DLGAP2: variants seen among roughly 807,000 people sequenced by gnomAD.
DLGAP2 encodes the protein disks large-associated protein 2.
In DLGAP2, 26 loss-of-function variants were observed where a neutral mutation model predicts 100.3. The observed-to-expected ratio is 0.26, with a 90% CI of 0.19 to 0.36. The LOEUF (loss-of-function observed/expected upper bound fraction) is 0.36. DLGAP2 is among the 10% of genes least tolerant of loss of function. The pLI, the probability that DLGAP2 is intolerant of heterozygous loss-of-function variation, is 1.00. For synonymous variants in DLGAP2, 886 were observed against 630.1 expected, an observed-to-expected ratio of 1.41 and a Z score of -6.08; for missense variants, 1,858 against 1,453.2, an observed-to-expected ratio of 1.28 and a Z score of -4.53.
At chr8:1,361,866 C>T (rs553363764) in intron 3 of DLGAP2, among the ~76,000 whole-genome samples, 1 of 152,274 alleles carries the variant, frequency 6.6e-6, no homozygotes, top group East Asian at 1.9e-4. Flanking sequence ...GCCCGGCTCC[C>T]ACGGTTTCAT....
chr8:1,638,295 C>A (rs1275817475), intron 8 of DLGAP2, among the ~76,000 whole-genome samples: 1 of 152,138 alleles, frequency 6.6e-6, no homozygotes, highest in Admixed American at 6.5e-5. Flanking sequence ...GGGCCCAAAT[C>A]CAATCTGTCC....
chr8:851,422 G>T (rs1191162836), intron 1 of DLGAP2, among the ~76,000 whole-genome samples: 1 of 152,214 alleles, frequency 6.6e-6, no homozygotes, highest in African/African-American at 2.4e-5. Flanking sequence ...GCTCATCGCT[G>T]CTTTGGAATG....
chr8:1,099,433 C>A (rs1395458117), intron 2 of DLGAP2, among the ~76,000 whole-genome samples: 1 of 152,178 alleles, frequency 6.6e-6, no homozygotes, highest in Non-Finnish European at 1.5e-5. Flanking sequence ...GTCTGGGATG[C>A]GCCAGGGCCG....
chr8:1,198,936 C>T (rs561424065), intron 2 of DLGAP2, among the ~76,000 whole-genome samples: 6 of 152,336 alleles, frequency 3.9e-5, no homozygotes, highest in African/African-American at 9.6e-5. Flanking sequence ...GACCTGGATA[C>T]AGGCAGACTG....
At chr8:761,847 C>T (rs145859091) in intron 1 of DLGAP2, among the ~76,000 whole-genome samples, 3 of 152,314 alleles carry the variant, frequency 2.0e-5, no homozygotes, top group Non-Finnish European at 2.9e-5. Flanking sequence ...GCGTGCGACA[C>T]CCTGCGGAGG....
chr8:1,621,796 G>C (rs1482266874), intron 6 of DLGAP2: 1 of 152,166 alleles, frequency 6.6e-6, no homozygotes, highest in African/African-American at 2.4e-5. Flanking sequence ...TGCGGTCAAG[G>C]GTATGGCGTT....
At chr8:906,203 A>G (rs938423105) in intron 1 of DLGAP2, among the ~76,000 whole-genome samples, 7 of 152,234 alleles carry the variant, frequency 4.6e-5, no homozygotes, top group South Asian at 2.1e-4. Context: ...TGGTGTCTGC[A>G]GCTGACTAGG....
chr8:1,548,151 C>T (rs1045011623), intron 4 of DLGAP2, among the ~76,000 whole-genome samples: 3 of 152,100 alleles, frequency 2.0e-5, no homozygotes, highest in Admixed American at 2.0e-4. Flanking sequence ...CCACTCCTCA[C>T]ACTTTGCGAT....
At chr8:1,693,032 C>T (rs1365190511) in intron 13 of DLGAP2, among the ~76,000 whole-genome samples, 2 of 147,632 alleles carry the variant, frequency 1.4e-5, no homozygotes, top group Non-Finnish European at 3.0e-5. Context: ...TTTATATATA[C>T]ACCTATATAT....
chr8:1,376,930 C>T (rs965176068), intron 3 of DLGAP2, among the ~76,000 whole-genome samples: 15 of 152,322 alleles, frequency 9.8e-5, no homozygotes, highest in East Asian at 3.9e-4. Flanking sequence ...CTTCTGCAGA[C>T]GCAGTTCTGA....
At chr8:866,072 C>T (rs565274516) in intron 1 of DLGAP2, among the ~76,000 whole-genome samples, 75 of 152,242 alleles carry the variant, frequency 4.9e-4, no homozygotes, top group South Asian at 4.1e-4. Flanking sequence ...GATGGTGTTT[C>T]GGAGCCATGG....
chr8:1,134,491 A>C (rs1409520195), intron 2 of DLGAP2, among the ~76,000 whole-genome samples: 1 of 69,418 alleles, frequency 1.4e-5, no homozygotes, highest in East Asian at 3.2e-4. Context: ...CCTTGTAAGC[A>C]TGTGTTATTT....
intron 1 of DLGAP2, among the ~76,000 whole-genome samples, chr8:858,650 C>T (rs529971260): frequency 1.7e-4 from 24 of 140,432 alleles, no homozygotes; most frequent in African/African-American, 5.1e-4. Flanking sequence ...ATGCTGTCAC[C>T]GTGGGCACGT....
intron 14 of DLGAP2, among the ~76,000 whole-genome samples, chr8:1,698,741 T>G (rs1193866802): frequency 7.6e-6 from 1 of 131,800 alleles, no homozygotes; most frequent in Admixed American, 7.7e-5. Flanking sequence ...ATAAGCCATG[T>G]GTGGGACTAG....
rs990779342 is a variant in DLGAP2, at chr8:1,599,116, C to T, written c.1443-27624C>T. Among the ~76,000 whole-genome samples the T allele has an allele frequency of 1.2e-4, 18 of 152,248 alleles. No individual in the cohort carries two copies. In the South Asian group the frequency reaches 1.5e-3, roughly 12 times the overall value. ...AACTTATTTATTTTTCCCTTAATTT[C>T]GTTATTTACCCAGTAGTCATTCAGG... On this transcript the variant is annotated intron_variant, in intron 6 of 14. Coordinates refer to ENST00000637795, the MANE Select transcript of DLGAP2 (RefSeq NM_001346810.2).
chr8:1,419,628 A>C (rs915821005), intron 3 of DLGAP2, among the ~76,000 whole-genome samples: 1 of 152,196 alleles, frequency 6.6e-6, no homozygotes, highest in Non-Finnish European at 1.5e-5. Flanking sequence ...CGCATCACTA[A>C]TCCCCAGGGA....
At chr8:1,025,344 G>T (rs1801766990) in intron 2 of DLGAP2, among the ~76,000 whole-genome samples, 1 of 152,074 alleles carries the variant, frequency 6.6e-6, no homozygotes, top group South Asian at 2.1e-4. Flanking sequence ...CTGTTCTCTT[G>T]GTCTCTGTCC....
intron 2 of DLGAP2, among the ~76,000 whole-genome samples, chr8:1,205,049 G>A (rs1797960394): frequency 6.6e-6 from 1 of 152,176 alleles, no homozygotes; most frequent in Non-Finnish European, 1.5e-5. Flanking sequence ...GCTGGTCTCT[G>A]CATCATGGGG....
intron 3 of DLGAP2, among the ~76,000 whole-genome samples, chr8:1,289,814 C>G (rs73170423): frequency 0.014 from 2,192 of 152,312 alleles, 23 homozygotes; most frequent in Non-Finnish European, 0.023. Flanking sequence ...AGAACCTGCT[C>G]ATGATGTCTG....
Sources: allele counts gnomAD v4.1 joint callset (sites outside exome capture counted in the v4.1 genomes callset), GRCh38; gene constraint gnomAD v4.1.1; transcripts MANE v1.5; gene names NCBI Gene and HGNC (gene_info 2026-07-23, HGNC 2026-07-21).